The following MICAL3 variants were observed in gnomAD, a reference collection of about 807,000 sequenced individuals.
The protein encoded by MICAL3 is microtubule associated monooxygenase, calponin and LIM domain containing 3.
A neutral mutation model predicts 207.4 loss-of-function variants in MICAL3; 62 were observed. That is an observed-to-expected ratio of 0.30 (90% confidence interval 0.24 to 0.37). The LOEUF is 0.37. Among genes scored for constraint, MICAL3 ranks in the 10% least tolerant of loss-of-function variants. MICAL3 has a pLI of 1.00. For missense variants in MICAL3, 2,368 were observed against 2,635.6 expected (o/e 0.90, Z 2.22); for synonymous variants, 1,077 against 1,069.3 (o/e 1.01, Z -0.14).
Position 17,842,212 on chromosome 22 carries a change from A to G in MICAL3, c.2606-195T>C, listed in dbSNP as rs936213061. 4.9e-6 allele frequency: 3 copies of G among 606,170 alleles called. No homozygotes were observed. The African/African-American group carries it at 5.5e-5, about 11-fold the overall frequency. 37.5% of individuals were successfully genotyped at this position (606,170 alleles called of 1,614,324 possible). ...GGAATTTCACTCTGCAGGAGAAAGG[A>G]AGGTGGCCCTGTCTGCCCTCCAGGT... On this transcript the variant is annotated intron_variant, in intron 19 of 31. Coordinates refer to ENST00000441493, the MANE Select transcript of MICAL3 (RefSeq NM_015241.3).
chr22:17,841,749 CCG>C lies in MICAL3; in HGVS notation c.2801+71_2801+72del. 6.8e-7 allele frequency: 1 copy of C among 1,467,460 alleles called. No individual in the cohort carries two copies. Among genetic ancestry groups the C allele is most frequent in the Non-Finnish European group, 9.3e-7 (1 of 1,081,040 alleles). The allele number at this position is 1,467,460 out of a possible 1,614,324, so 90.9% of individuals were successfully genotyped here. The stretch of plus-strand genomic sequence containing the variant: ...GAGGCCTCCCTTCACTGAGAAGAAA[CCG>C]AGACACACAGAGGTGAGGAGGCTCT... On this transcript the variant is annotated intron_variant, in intron 20 of 31. Transcript: ENST00000441493. The surrounding 1 kb of genome is among the most constrained non-coding windows in gnomAD (Gnocchi z 4.2).
chr22:17,825,816 C>G (rs750365665), intron 22 of MICAL3, among the ~76,000 whole-genome samples: 1 of 152,160 alleles, frequency 6.6e-6, no homozygotes, highest in African/African-American at 2.4e-5. Flanking sequence ...CTGTCCTGCC[C>G]CAAATGCCAG....
At position 17,886,988 on chromosome 22, in the gene MICAL3, C is replaced by CAAAAAAAAAA. The variant is rs55999508; in HGVS notation, c.2067+172_2067+181dup. Among the ~76,000 whole-genome samples the CAAAAAAAAAA allele has an allele frequency of 7.2e-3, 296 of 41,350 alleles. 5 individuals are homozygous for CAAAAAAAAAA. The highest frequency in any genetic ancestry group is 0.011 in the East Asian group (13 of 1,180). 27.1% of individuals were successfully genotyped at this position (41,350 alleles called of 152,430 possible). A position where few individuals can be genotyped will look rare whatever the true frequency, so the allele number is the denominator to read the frequency against. On this transcript the variant is annotated intron_variant, in intron 15 of 31. Transcript: ENST00000441493. ...GGGCAATGGAGAAAGACTCTTGTCT[C>CAAAAAAAAAA]AAAAAAAAAAAAAAAAAAAAAAAAA... is the stretch of plus-strand genomic sequence containing the variant.
intron 24 of MICAL3, 75 bp from the exon 25 acceptor site, chr22:17,821,584 C>G: frequency 6.4e-6 from 8 of 1,253,652 alleles, no homozygotes; most frequent in Non-Finnish European, 8.9e-6. Flanking sequence ...ATCAGCCAGC[C>G]CCAGAGGGTG....
At chr22:17,898,661 T>C (rs908787628) in intron 7 of MICAL3, among the ~76,000 whole-genome samples, 1 of 152,210 alleles carries the variant, frequency 6.6e-6, no homozygotes, top group Non-Finnish European at 1.5e-5. Flanking sequence ...GTTTTTCTCA[T>C]CGCATGGGGA....
In MICAL3 at chr22:17,860,000, A is replaced by C. The variant is rs556366867; in HGVS notation, c.2605+4899T>G. Among the ~76,000 whole-genome samples, 74 of 152,028 alleles carry C rather than the reference A, an allele frequency of 4.9e-4. 1 individual carries two copies. The highest frequency in any genetic ancestry group is 9.4e-4 in the Non-Finnish European group (64 of 68,006). ...GAAGCTATGTCAGGTATAAAAACCTATTTCCCCCACTTTGCACCTCTGCTG... is the reference window on the plus strand; with the variant it reads ...GAAGCTATGTCAGGTATAAAAACCTCTTTCCCCCACTTTGCACCTCTGCTG... On this transcript the variant is annotated intron_variant, in intron 19 of 31. Transcript: ENST00000441493.
chr22:17,838,315 T>C (rs576321201), intron 20 of MICAL3, among the ~76,000 whole-genome samples: 2 of 152,294 alleles, frequency 1.3e-5, no homozygotes, highest in East Asian at 3.9e-4. Context: ...CCTGGGTGAC[T>C]CTGGCATGGG....
chr22:18,014,181 A>G (rs1923913558), intron 1 of MICAL3, among the ~76,000 whole-genome samples: 1 of 152,138 alleles, frequency 6.6e-6, no homozygotes, highest in South Asian at 2.1e-4. Context: ...CTACCAGAAA[A>G]TTCAGATGCC....
In MICAL3 at chr22:17,791,319, GT is replaced by G; in HGVS notation, c.5651-19del. ...GCCCATGCCTGCCGAGAGAACGCTT[GT>G]GTCGGGTGCAGGGAGTGCCGCGCCC... is the stretch of plus-strand genomic sequence containing the variant. On this transcript the variant is annotated intron_variant, in intron 29 of 31. Transcript: ENST00000441493. 6.2e-7 allele frequency: 1 copy of G among 1,606,716 alleles called. No homozygotes were observed. The highest frequency in any genetic ancestry group is 8.5e-7 in the Non-Finnish European group (1 of 1,175,166).
intron 21 of MICAL3, among the ~76,000 whole-genome samples, chr22:17,829,760 C>T (rs1922596498): frequency 1.3e-5 from 2 of 152,170 alleles, no homozygotes; most frequent in African/African-American, 4.8e-5. Context: ...GAGAAGGAGC[C>T]AAGTCTTGGC....
chr22:17,895,459 A>G, intron 9 of MICAL3, 49 bp from the exon 10 acceptor site: 3 of 1,603,588 alleles, frequency 1.9e-6, no homozygotes. Flanking sequence ...CACCATGAAC[A>G]TCTCCCTCTC....
At chr22:17,863,906 G>C in intron 19 of MICAL3, 1 of 985,396 alleles carries the variant, frequency 1.0e-6, no homozygotes, top group Non-Finnish European at 1.2e-6. Context: ...TATGAGTTTT[G>C]TATATAGCTG....
intron 1 of MICAL3, among the ~76,000 whole-genome samples, chr22:17,998,611 A>G (rs1692514873): frequency 6.6e-6 from 1 of 151,110 alleles, no homozygotes. Context: ...GCTGGAGAGC[A>G]GTGGCGTGAT....
At chr22:17,871,692 G>C (rs192288019) in intron 17 of MICAL3, 145 bp downstream of exon 17, 68 of 675,058 alleles carry the variant, frequency 1.0e-4, no homozygotes, top group Non-Finnish European at 1.5e-4. Context: ...GTGATGGAGG[G>C]AGAGGGGCAA....
intron 1 of MICAL3, among the ~76,000 whole-genome samples, chr22:18,012,801 G>C (rs1923831385): frequency 6.6e-6 from 1 of 152,218 alleles, no homozygotes; most frequent in Non-Finnish European, 1.5e-5. Flanking sequence ...AACACTACCA[G>C]CAAAACCAAG....
chr22:17,880,879 T>TGCAGCGAGAGAAAA (rs1929351904), intron 16 of MICAL3, among the ~76,000 whole-genome samples: 1 of 152,152 alleles, frequency 6.6e-6, no homozygotes, highest in African/African-American at 2.4e-5. Context: ...CTGCCTTCAG[T>TGCAGCGAGAGAAAA]GGGGTTTTAG....
chr22:17,799,036 G>A (rs1218335829), intron 29 of MICAL3, among the ~76,000 whole-genome samples: 1 of 152,152 alleles, frequency 6.6e-6, no homozygotes, highest in East Asian at 1.9e-4. Flanking sequence ...ACCTTTTCCT[G>A]GGAAACACAA....
At chr22:17,964,807 A>C (rs1441858198) in intron 1 of MICAL3, among the ~76,000 whole-genome samples, 1 of 152,242 alleles carries the variant, frequency 6.6e-6, no homozygotes, top group East Asian at 1.9e-4. Flanking sequence ...GTTTTAAAAA[A>C]CAAAGCAAAA....
intron 1 of MICAL3, among the ~76,000 whole-genome samples, chr22:18,015,420 ATCTT>A (rs1923991869): frequency 9.7e-6 from 1 of 102,698 alleles, no homozygotes; most frequent in Non-Finnish European, 1.8e-5. Context: ...TTTAAGACTC[ATCTT>A]TTTTTTTTTT....
Sources: allele counts gnomAD v4.1 joint callset (sites outside exome capture counted in the v4.1 genomes callset), GRCh38; gene constraint gnomAD v4.1.1; non-coding constraint Gnocchi (gnomAD v3.1); transcripts MANE v1.5; gene names NCBI Gene and HGNC (gene_info 2026-07-23, HGNC 2026-07-21).